The following SPG11 variants were observed in gnomAD, a reference collection of about 807,000 sequenced individuals.
SPG11 encodes the protein spatacsin.
SPG11 carries 222 observed loss-of-function variants against 274.0 expected under a neutral mutation model. The observed-to-expected ratio is 0.81, with a 90% CI of 0.73 to 0.91. The LOEUF is 0.91. SPG11 is among the 40% of genes least tolerant of loss of function. The pLI, the probability that SPG11 is intolerant of heterozygous loss-of-function variation, is 0.00. For synonymous variants in SPG11, 1,144 were observed against 1,039.7 expected (o/e 1.10, Z -1.93); for missense variants, 3,114 against 2,872.7 (o/e 1.08, Z -1.92).
chr15:44,639,400 C>T (rs183853105), intron 7 of SPG11, among the ~76,000 whole-genome samples: 1 of 151,796 alleles, frequency 6.6e-6, no homozygotes, highest in South Asian at 2.1e-4. Flanking sequence ...ACCCTAGTAC[C>T]CCAATTAAGA....
At chr15:44,621,997 T>C (rs2083767063) in intron 13 of SPG11, 63 bp from the exon 14 acceptor site, 2 of 1,346,340 alleles carry the variant, frequency 1.5e-6, no homozygotes, top group Non-Finnish European at 2.1e-6. Flanking sequence ...CATTCCTTTT[T>C]ATCTGCTCAA....
rs180691753 is a variant in SPG11 at position 44,612,011 on chromosome 15, G to A, written c.3146-1026C>T. Among the ~76,000 whole-genome samples the A allele has an allele frequency of 3.0e-4, 46 of 151,914 alleles. No homozygotes were observed. The East Asian group carries it at 6.2e-3, about 20-fold the overall frequency. The stretch of plus-strand genomic sequence containing the variant: ...TTTTTAGTAGAGACGGGGTTTCCCC[G>A]TGTTAGCCAGGATGGCCTCGATCTC... On this transcript the variant is annotated intron_variant, in intron 17 of 39. Transcript: ENST00000261866.
At chr15:44,627,352 C>A (rs997715491) in intron 10 of SPG11, among the ~76,000 whole-genome samples, 2 of 152,136 alleles carry the variant, frequency 1.3e-5, no homozygotes, top group Non-Finnish European at 2.9e-5. Flanking sequence ...CCCCATTAAG[C>A]CATGTATAAA....
At chr15:44,577,994 C>T (rs1221341117) in intron 30 of SPG11, among the ~76,000 whole-genome samples, 10 of 150,184 alleles carry the variant, frequency 6.7e-5, no homozygotes, top group Non-Finnish European at 1.5e-4. Context: ...AGAGCTAAGG[C>T]TCTCAGAAAG....
In SPG11 at chr15:44,600,043, A is replaced by T. The variant is rs575339812; in HGVS notation, c.3686+424T>A. On this transcript the variant is annotated intron_variant, in intron 21 of 39. Transcript: ENST00000261866. ...CTCTTTAACTGCTAATATTTGACAA[A>T]CTCCTGTATGATTTTAAATTTTATT... 3.3e-5 allele frequency among the ~76,000 whole-genome samples: 5 copies of T among 151,742 alleles called. No homozygotes were observed. The South Asian group carries it at 1.0e-3, about 31-fold the overall frequency.
intron 30 of SPG11, among the ~76,000 whole-genome samples, chr15:44,583,060 T>C (rs2082686792): frequency 6.6e-6 from 1 of 151,062 alleles, no homozygotes; most frequent in Non-Finnish European, 1.5e-5. Context: ...GCATACAGAT[T>C]GGAAAGGCAG....
intron 7 of SPG11, among the ~76,000 whole-genome samples, chr15:44,644,192 A>G (rs1567185467): frequency 6.6e-6 from 1 of 151,976 alleles, no homozygotes; most frequent in Non-Finnish European, 1.5e-5. Context: ...AATTCTCCAC[A>G]AAGTACTAGT....
intron 15 of SPG11, among the ~76,000 whole-genome samples, chr15:44,617,098 C>T (rs1301824927): frequency 6.6e-6 from 1 of 152,284 alleles, no homozygotes; most frequent in East Asian, 1.9e-4. Context: ...TGTCCTCAGA[C>T]TTCTGTTTTA....
intron 30 of SPG11, among the ~76,000 whole-genome samples, chr15:44,581,950 A>G (rs1434633284): frequency 6.6e-6 from 1 of 152,180 alleles, no homozygotes; most frequent in African/African-American, 2.4e-5. Context: ...TGGAAGACTA[A>G]AAAATGTTCA....
intron 7 of SPG11, 152 bp from the exon 8 acceptor site, chr15:44,633,789 G>T: frequency 2.7e-6 from 2 of 734,844 alleles, no homozygotes; most frequent in Non-Finnish European, 2.3e-6. Context: ...TGAGGATTTT[G>T]ACAATGACTG....
rs763212983 is a variant in SPG11, at chr15:44,663,561, C to T, written c.87G>A (p.Leu29=). Residue 29 remains leucine (L), a synonymous_variant, in exon 1 of 40, where the codon CTG becomes CTA. Coordinates refer to ENST00000261866, the MANE Select transcript of SPG11 (RefSeq NM_025137.4). ...TCGCCTCGGCGGGGACTGGCACCAA[C>T]AGCATCGGTAGAACCCGCCCCATGG... ...TAAMGRVLPM[L]LVPVPAEAMG... 1 of 1,597,516 alleles carries T rather than the reference C, an allele frequency of 6.3e-7. No individual in the cohort carries two copies. Among genetic ancestry groups the T allele is most frequent in the South Asian group, 1.1e-5 (1 of 89,324 alleles).
rs763060505 is a variant in SPG11, at chr15:44,629,361, T to C, written c.1763A>G (p.Asp588Gly). The C allele has an allele frequency of 2.0e-5, 33 of 1,613,980 alleles. No homozygotes were observed. In the Admixed American group the frequency reaches 5.2e-4, roughly 25 times the overall value. Residue 588 changes from aspartate to glycine, a missense_variant, in exon 9 of 40, where the codon GAT becomes GGT. Asp to Gly is a moderately conservative substitution (Grantham distance 94). Coordinates refer to ENST00000261866, the MANE Select transcript of SPG11 (RefSeq NM_025137.4). ...TTCTCTAATTGCCGAGCAAAGTAAA[T>C]CCAATGCTGGTATCAGCTCTTCCAC... ...RNVEELIPAL[D>G]LLCSAIRESY...
intron 7 of SPG11, among the ~76,000 whole-genome samples, chr15:44,640,194 C>T (rs776029468): frequency 7.2e-5 from 11 of 152,038 alleles, no homozygotes; most frequent in African/African-American, 2.7e-4. Context: ...TGGGTGACAG[C>T]GTGAGACTCC....
chr15:44,653,379 A>T (rs898797904), intron 4 of SPG11, among the ~76,000 whole-genome samples: 2 of 152,194 alleles, frequency 1.3e-5, no homozygotes, highest in Non-Finnish European at 2.9e-5. Flanking sequence ...GATGAAAAGA[A>T]GTTAGAGAAG....
chr15:44,591,524 A>G (rs1482152692), intron 27 of SPG11, among the ~76,000 whole-genome samples: 1 of 152,226 alleles, frequency 6.6e-6, no homozygotes, highest in African/African-American at 2.4e-5. Context: ...GTCAGGCAAG[A>G]ATAAGAAGAT....
chr15:44,634,324 A>G (rs1452837930), intron 7 of SPG11, among the ~76,000 whole-genome samples: 3 of 152,038 alleles, frequency 2.0e-5, no homozygotes, highest in Non-Finnish European at 4.4e-5. Flanking sequence ...ACCCAGGCTG[A>G]GGTACAGTGG....
rs139685281 is a variant in SPG11, at chr15:44,578,412, T to C, written c.5867-3371A>G. Among the ~76,000 whole-genome samples, 315 of 152,186 alleles carry C rather than the reference T, an allele frequency of 2.1e-3. 1 individual carries two copies. Among genetic ancestry groups the C allele is most frequent in the African/African-American group, 7.2e-3 (299 of 41,524 alleles). ...CCCTGTTGCTTTTGCATTACCCTCC[T>C]GTCACCTGGCCCTGGGTGTAGGAAT... is the stretch of plus-strand genomic sequence containing the variant. On this transcript the variant is annotated intron_variant, in intron 30 of 39. Transcript: ENST00000261866.
At chr15:44,659,895 T>C (rs989448606) in intron 2 of SPG11, among the ~76,000 whole-genome samples, 3 of 152,132 alleles carry the variant, frequency 2.0e-5, no homozygotes, top group Non-Finnish European at 4.4e-5. Flanking sequence ...ACCCTGTCTC[T>C]ACTAAAAATA....
intron 2 of SPG11, 89 bp downstream of exon 2, chr15:44,660,343 T>C (rs1241218488): frequency 5.8e-5 from 72 of 1,231,006 alleles, no homozygotes; most frequent in Non-Finnish European, 7.3e-5. Flanking sequence ...GTAGACCTGA[T>C]TTCACCTCTA....
Sources: gnomAD v4.1 joint callset for allele counts (sites outside exome capture counted in the v4.1 genomes callset) on GRCh38, gnomAD v4.1.1 for gene constraint, MANE v1.5 for transcripts, NCBI Gene and HGNC (gene_info 2026-07-23, HGNC 2026-07-21) for gene names.